The following PLPP1 variants were observed in gnomAD, a reference collection of about 807,000 sequenced individuals.
PLPP1 encodes the protein lipid phosphate phosphohydrolase 1a.
Under a neutral mutation model 31.2 loss-of-function variants are expected in PLPP1, and 24 were observed. The observed-to-expected ratio is 0.77, with a 90% CI of 0.56 to 1.08. The LOEUF is 1.08. PLPP1 is among the 50% of genes least tolerant of loss of function. PLPP1 has a pLI of 0.00. For missense variants in PLPP1, 319 were observed against 342.7 expected, an observed-to-expected ratio of 0.93 and a Z score of 0.55; for synonymous variants, 146 against 126.3, an observed-to-expected ratio of 1.16 and a Z score of -1.05.
Position 55,425,985 on chromosome 5 carries a change from G to C in PLPP1, c.604C>G (p.Leu202Val). ...GDWARLLRPT[L>V]QFGLVAVSIY... ...GATACGGCAACAAGACCAAATTGCAGTGTGGGGCGTAAGAGTCTTGCCCAG... is the reference window on the plus strand; with the variant it reads ...GATACGGCAACAAGACCAAATTGCACTGTGGGGCGTAAGAGTCTTGCCCAG... Residue 202 changes from leucine (L) to valine (V), a missense_variant, in exon 5 of 6, where the codon CTG (leucine) becomes GTG (valine). Transcript: ENST00000307259. 6.2e-7 allele frequency: 1 copy of C among 1,613,846 alleles called. No individual in the cohort carries two copies. The highest frequency in any genetic ancestry group is 8.5e-7 in the Non-Finnish European group (1 of 1,179,902).
At chr5:55,496,019 C>T (rs917291383) in intron 1 of PLPP1, among the ~76,000 whole-genome samples, 6 of 151,864 alleles carry the variant, frequency 4.0e-5, no homozygotes, top group African/African-American at 1.2e-4. Context: ...CACCAAGCCC[C>T]GCTAATTTTT....
At chr5:55,523,997 G>C (rs1209397958) in intron 1 of PLPP1, among the ~76,000 whole-genome samples, 1 of 151,978 alleles carries the variant, frequency 6.6e-6, no homozygotes, top group Non-Finnish European at 1.5e-5. Flanking sequence ...GATCTTTTTT[G>C]CACTGGTATT....
intron 1 of PLPP1, among the ~76,000 whole-genome samples, chr5:55,519,652 A>G (rs569647626): frequency 7.2e-5 from 11 of 152,030 alleles, no homozygotes; most frequent in African/African-American, 2.7e-4. Flanking sequence ...CAGGAGGCCG[A>G]GGCAAGAGAA....
chr5:55,462,977 A>G (rs1561232468), intron 3 of PLPP1, among the ~76,000 whole-genome samples: 1 of 152,096 alleles, frequency 6.6e-6, no homozygotes, highest in Non-Finnish European at 1.5e-5. Flanking sequence ...CATCTCAAAA[A>G]AAAAAGAAAA....
intron 1 of PLPP1, among the ~76,000 whole-genome samples, chr5:55,482,725 G>C (rs1752696755): frequency 2.0e-5 from 3 of 152,142 alleles, no homozygotes; most frequent in Admixed American, 2.0e-4. Flanking sequence ...CTGCTATGCA[G>C]GGTAAAATTC....
chr5:55,534,626 A>C lies in PLPP1; in HGVS notation c.4T>G (p.Phe2Val). ...ACGTACGGCAGCCGCGTCTTGTCAAACATGGTCTCTGCCCGGGCTGCCCGG... is the reference window on the plus strand; with the variant it reads ...ACGTACGGCAGCCGCGTCTTGTCAACCATGGTCTCTGCCCGGGCTGCCCGG... MFDKTRLPYVAL... is the reference protein window; with the variant it reads MVDKTRLPYVAL... The change falls in exon 1 of 6, where the codon TTT becomes GTT. Residue 2 changes from phenylalanine (F) to valine (V), a missense_variant. Phe to Val is a conservative substitution (Grantham distance 50). Coordinates refer to ENST00000307259, the MANE Select transcript of PLPP1 (RefSeq NM_003711.4). The C allele has an allele frequency of 6.4e-7, 1 of 1,556,800 alleles. No homozygotes were observed. The highest frequency in any genetic ancestry group is 8.7e-7 in the Non-Finnish European group (1 of 1,153,332).
chr5:55,428,391 C>G (rs985047628), intron 4 of PLPP1, among the ~76,000 whole-genome samples: 4 of 152,180 alleles, frequency 2.6e-5, no homozygotes, highest in African/African-American at 9.7e-5. Context: ...CTGTAGAGCT[C>G]AAGAAAGTGG....
In PLPP1 at chr5:55,534,602, C is replaced by A. The variant is rs1449317737; in HGVS notation, c.28G>T (p.Val10Leu). MFDKTRLPY[V>L]ALDVLCVLLA... ...AACACGCAGAGCACATCGAGGGCCA[C>A]GTACGGCAGCCGCGTCTTGTCAAAC... The change falls in exon 1 of 6, where the codon GTG (valine) becomes TTG (leucine). Residue 10 changes from valine (V) to leucine (L), a missense_variant. By Grantham distance (32) the Val-to-Leu change is conservative. Coordinates refer to ENST00000307259, the MANE Select transcript of PLPP1 (RefSeq NM_003711.4). The A allele has an allele frequency of 8.3e-6, 13 of 1,557,900 alleles. No homozygotes were observed. The highest frequency in any genetic ancestry group is 1.1e-5 in the Non-Finnish European group (13 of 1,153,986).
At chr5:55,520,448 T>C (rs1003932159) in intron 1 of PLPP1, among the ~76,000 whole-genome samples, 4 of 152,104 alleles carry the variant, frequency 2.6e-5, no homozygotes, top group African/African-American at 9.6e-5. Context: ...AGCTTAATAA[T>C]AACAAAAACA....
intron 3 of PLPP1, among the ~76,000 whole-genome samples, chr5:55,444,728 G>C (rs1183062949): frequency 5.0e-5 from 2 of 40,198 alleles, no homozygotes; most frequent in Non-Finnish European, 1.4e-4. Flanking sequence ...AAATCACTAT[G>C]AATGGGATTC....
At chr5:55,509,977 G>A (rs929580631) in intron 1 of PLPP1, among the ~76,000 whole-genome samples, 6 of 152,170 alleles carry the variant, frequency 3.9e-5, no homozygotes, top group African/African-American at 1.4e-4. Context: ...TATGTCAAAA[G>A]CAAGGAGATA....
chr5:55,482,995 C>T (rs1040617389), intron 1 of PLPP1, among the ~76,000 whole-genome samples: 1 of 152,082 alleles, frequency 6.6e-6, no homozygotes, highest in Non-Finnish European at 1.5e-5. Context: ...TAAATAATCT[C>T]CCTCATCTTC....
rs71600887 is a variant in PLPP1 at position 55,513,268 on chromosome 5, C to CTTTTTTTTTT, written c.58+21303_58+21304insAAAAAAAAAA. 9.1e-3 allele frequency among the ~76,000 whole-genome samples: 1,065 copies of CTTTTTTTTTT among 117,480 alleles called. 87 individuals are homozygous for CTTTTTTTTTT. Among genetic ancestry groups the CTTTTTTTTTT allele is most frequent in the Middle Eastern group, 0.029 (6 of 204 alleles). The allele number at this position is 117,480 out of a possible 152,430, so 77.1% of individuals were successfully genotyped here. A position where few individuals can be genotyped will look rare whatever the true frequency, so the allele number is the denominator to read the frequency against. ...TATAGTATTACTACTATAATGACTC[C>CTTTTTTTTTT]TTTTTTTTTAAGACAGAGTCTTGCT... On this transcript the variant is annotated intron_variant, in intron 1 of 5. Transcript: ENST00000307259.
At chr5:55,441,743 C>T (rs1441644646) in intron 4 of PLPP1, 108 bp downstream of exon 4, 2 of 1,162,704 alleles carry the variant, frequency 1.7e-6, no homozygotes, top group African/African-American at 3.0e-5. Flanking sequence ...TCATCTGTTT[C>T]ACCTTTTGCT....
At chr5:55,524,275 T>G (rs1412826714) in intron 1 of PLPP1, among the ~76,000 whole-genome samples, 1 of 151,952 alleles carries the variant, frequency 6.6e-6, no homozygotes, top group East Asian at 1.9e-4. Context: ...AAAAAAAAAT[T>G]GCAAAAAAAT....
chr5:55,532,723 C>T (rs1740714506), intron 1 of PLPP1, among the ~76,000 whole-genome samples: 1 of 152,106 alleles, frequency 6.6e-6, no homozygotes, highest in Admixed American at 6.5e-5. Flanking sequence ...CTTTGGGAGG[C>T]CAAGGCGGGT....
At chr5:55,472,821 T>C (rs1752451513) in intron 2 of PLPP1, among the ~76,000 whole-genome samples, 1 of 152,178 alleles carries the variant, frequency 6.6e-6, no homozygotes, top group Non-Finnish European at 1.5e-5. Context: ...TTCAAGTTAA[T>C]GAAATATAAT....
chr5:55,494,641 G>A (rs1185393554), intron 1 of PLPP1, among the ~76,000 whole-genome samples: 2 of 152,014 alleles, frequency 1.3e-5, no homozygotes, highest in African/African-American at 2.4e-5. Flanking sequence ...CTTCTACTGC[G>A]GATAGTTGCT....
chr5:55,513,803 GT>G (rs1753495656), intron 1 of PLPP1, among the ~76,000 whole-genome samples: 1 of 152,152 alleles, frequency 6.6e-6, no homozygotes, highest in South Asian at 2.1e-4. Flanking sequence ...GTGCACATCT[GT>G]GGTTCCAGCT....
Sources: gnomAD v4.1 joint callset for allele counts (sites outside exome capture counted in the v4.1 genomes callset) on GRCh38, gnomAD v4.1.1 for gene constraint, MANE v1.5 for transcripts, NCBI Gene and HGNC (gene_info 2026-07-23, HGNC 2026-07-21) for gene names.